NTM: variants seen among roughly 807,000 people sequenced by gnomAD.
NTM encodes IgLON family member 2.
Under a neutral mutation model 42.1 loss-of-function variants are expected in NTM, and 13 were observed. That is an observed-to-expected ratio of 0.31 (90% CI 0.20 to 0.49). The LOEUF (loss-of-function observed/expected upper bound fraction) is 0.49, where lower values mean the gene tolerates loss of function less well. Among genes scored for constraint, NTM ranks in the 20% least tolerant of loss-of-function variants. NTM has a pLI of 0.99. For synonymous variants in NTM, 187 were observed against 179.2 expected, an observed-to-expected ratio of 1.04 and a Z score of -0.35; for missense variants, 373 against 452.8, an observed-to-expected ratio of 0.82 and a Z score of 1.60.
At chr11:131,451,633 G>C (rs966760804) in intron 1 of NTM, among the ~76,000 whole-genome samples, 1 of 152,206 alleles carries the variant, frequency 6.6e-6, no homozygotes, top group Non-Finnish European at 1.5e-5. Flanking sequence ...GCTGGAACAG[G>C]TGTTTAGAGG....
intron 4 of NTM, among the ~76,000 whole-genome samples, chr11:132,212,589 G>A (rs111973780): frequency 6.6e-6 from 1 of 152,110 alleles, no homozygotes; most frequent in East Asian, 1.9e-4. Flanking sequence ...CAAAAATCTG[G>A]TCACGAGCTG....
At chr11:131,868,297 G>A (rs568128991) in intron 1 of NTM, among the ~76,000 whole-genome samples, 9 of 152,092 alleles carry the variant, frequency 5.9e-5, no homozygotes, top group Non-Finnish European at 7.4e-5. Context: ...CCAGTCTTTC[G>A]TATCAAAACC....
chr11:131,718,467 T>C (rs770673497), intron 1 of NTM, among the ~76,000 whole-genome samples: 1 of 152,314 alleles, frequency 6.6e-6, no homozygotes, highest in Non-Finnish European at 1.5e-5. Context: ...AAGATACTCA[T>C]GCGTACCCAA....
chr11:132,285,535 T>C (rs2094196367), intron 4 of NTM, among the ~76,000 whole-genome samples: 1 of 152,200 alleles, frequency 6.6e-6, no homozygotes, highest in Non-Finnish European at 1.5e-5. Flanking sequence ...CTCCCTGCTG[T>C]TCAGGAGCAC....
At chr11:131,510,668 A>G in intron 1 of NTM, among the ~76,000 whole-genome samples, 1 of 152,208 alleles carries the variant, frequency 6.6e-6, no homozygotes, top group East Asian at 1.9e-4. Context: ...TGACCACTAG[A>G]CGTTTATAAA....
chr11:131,526,124 G>A (rs1165442902), intron 1 of NTM, among the ~76,000 whole-genome samples: 1 of 152,246 alleles, frequency 6.6e-6, no homozygotes, highest in East Asian at 1.9e-4. Flanking sequence ...CCATTTCACA[G>A]TGAAGGCAAC....
At chr11:131,558,393 C>T (rs533176229) in intron 1 of NTM, among the ~76,000 whole-genome samples, 1 of 152,258 alleles carries the variant, frequency 6.6e-6, no homozygotes, top group East Asian at 1.9e-4. Flanking sequence ...AATTGGAGGA[C>T]AGACAGGGAG....
intron 4 of NTM, among the ~76,000 whole-genome samples, chr11:132,249,473 G>A (rs902021501): frequency 6.6e-6 from 1 of 152,188 alleles, no homozygotes; most frequent in Non-Finnish European, 1.5e-5. Context: ...TTTTAATCCT[G>A]GCTACGTGGG....
At chr11:131,931,884 C>G (rs114332274) in intron 2 of NTM, among the ~76,000 whole-genome samples, 1,835 of 152,284 alleles carry the variant, frequency 0.012, 31 homozygotes, top group African/African-American at 0.042. Context: ...GGAACTGGAG[C>G]AGCAAGAGGC....
At chr11:131,556,098 G>C (rs2055375134) in intron 1 of NTM, among the ~76,000 whole-genome samples, 2 of 152,192 alleles carry the variant, frequency 1.3e-5, no homozygotes, top group South Asian at 4.1e-4. Flanking sequence ...GTGGAGACAT[G>C]CCCTTGGAAC....
intron 4 of NTM, among the ~76,000 whole-genome samples, chr11:132,292,830 CG>C (rs2094496152): frequency 7.5e-6 from 1 of 132,568 alleles, no homozygotes; most frequent in African/African-American, 2.9e-5. Context: ...AATGTTGGAT[CG>C]GGGGATTTAA....
Position 132,216,140 on chromosome 11 carries a change from A to G in NTM, c.526+3993A>G, listed in dbSNP as rs1388088762. On this transcript the variant is annotated intron_variant, in intron 4 of 8. Coordinates refer to ENST00000683400, the MANE Select transcript of NTM (RefSeq NM_001352005.2). ...TCAGCTTTCTGTCTCCAATAGAAAA[A>G]CGTTCATGCTGTCTGGTTCTCCTGA... is the stretch of plus-strand genomic sequence containing the variant. 2.6e-5 allele frequency among the ~76,000 whole-genome samples: 4 copies of G among 152,214 alleles called. 1 individual carries two copies. The highest frequency in any genetic ancestry group is 1.3e-4 in the Admixed American group (2 of 15,290).
chr11:132,055,843 C>T (rs2079573329), intron 2 of NTM, among the ~76,000 whole-genome samples: 1 of 152,186 alleles, frequency 6.6e-6, no homozygotes. Flanking sequence ...CCACACAGTT[C>T]TCTTATAATC....
Position 132,335,267 on chromosome 11 carries a change from C to T in NTM, c.*121C>T. 1 of 1,042,168 alleles carries T rather than the reference C, an allele frequency of 9.6e-7. No homozygotes were observed. Among genetic ancestry groups the T allele is most frequent in the Non-Finnish European group, 1.3e-6 (1 of 743,046 alleles). 64.6% of individuals were successfully genotyped at this position (1,042,168 alleles called of 1,614,324 possible). A position where few individuals can be genotyped will look rare whatever the true frequency, so the allele number is the denominator to read the frequency against. ...ACAAATGAAATTAGAAGAAACACAG[C>T]CTCATGGGACAGAAATTTGAGGGAG... On this transcript the variant is annotated 3_prime_UTR_variant, in exon 9 of 9. Coordinates refer to ENST00000683400, the MANE Select transcript of NTM (RefSeq NM_001352005.2).
chr11:131,982,916 T>A (rs943861397), intron 2 of NTM, among the ~76,000 whole-genome samples: 4 of 152,186 alleles, frequency 2.6e-5, no homozygotes, highest in African/African-American at 9.7e-5. Flanking sequence ...GGCTTATGAT[T>A]TTCATTTACC....
At chr11:131,491,956 A>G (rs1954845558) in intron 1 of NTM, among the ~76,000 whole-genome samples, 1 of 152,184 alleles carries the variant, frequency 6.6e-6, no homozygotes, top group East Asian at 1.9e-4. Flanking sequence ...AGCACTTTAT[A>G]TGTATTAACG....
At chr11:131,658,440 C>G (rs1010379443) in intron 1 of NTM, among the ~76,000 whole-genome samples, 5 of 152,192 alleles carry the variant, frequency 3.3e-5, no homozygotes, top group African/African-American at 1.2e-4. Flanking sequence ...CATTCCACAC[C>G]CACGTGGTGC....
chr11:131,855,155 A>G (rs1455926988), intron 1 of NTM, among the ~76,000 whole-genome samples: 1 of 152,208 alleles, frequency 6.6e-6, no homozygotes, highest in Non-Finnish European at 1.5e-5. Flanking sequence ...CAGCTTAGAA[A>G]TAGTAAATTT....
intron 1 of NTM, among the ~76,000 whole-genome samples, chr11:131,485,755 G>A (rs1954110649): frequency 6.6e-6 from 1 of 152,188 alleles, no homozygotes; most frequent in Admixed American, 6.5e-5. Context: ...CTTAATTTAT[G>A]CTTGTCTGTA....
Sources: allele counts gnomAD v4.1 joint callset (sites outside exome capture counted in the v4.1 genomes callset), GRCh38; gene constraint gnomAD v4.1.1; transcripts MANE v1.5; gene names NCBI Gene and HGNC (gene_info 2026-07-23, HGNC 2026-07-21).